The following HORMAD1 variants were observed in gnomAD, a reference collection of about 807,000 sequenced individuals.
HORMAD1 encodes the protein HORMA domain containing 1, also known as HORMA domain-containing protein 1.
Under a neutral mutation model 58.2 loss-of-function variants are expected in HORMAD1, and 33 were observed. The observed-to-expected ratio is 0.57, with a 90% confidence interval of 0.43 to 0.76. HORMAD1 has a LOEUF of 0.76. Among genes scored for constraint, HORMAD1 ranks in the 30% least tolerant of loss-of-function variants. HORMAD1 has a pLI of 0.00. For missense variants in HORMAD1, 363 were observed against 462.0 expected (o/e 0.79, Z 1.96); for synonymous variants, 137 against 144.6 (o/e 0.95, Z 0.38).
chr1:150,698,497 T>G lies in HORMAD1; in HGVS notation c.*157A>C. Reference sequence around the variant, plus strand: ...AGTTCTATTGGATTTATCTCAAGATTAAGGACCACAATATGACAGTCAGCC... The same window carrying G: ...AGTTCTATTGGATTTATCTCAAGATGAAGGACCACAATATGACAGTCAGCC... On this transcript the variant is annotated 3_prime_UTR_variant, in exon 15 of 15. Coordinates refer to ENST00000361824, the MANE Select transcript of HORMAD1 (RefSeq NM_032132.5). 4.7e-6 allele frequency: 2 copies of G among 422,352 alleles called. No homozygotes were observed. The highest frequency in any genetic ancestry group is 8.6e-6 in the Non-Finnish European group (2 of 232,746). 26.2% of individuals were successfully genotyped at this position (422,352 alleles called of 1,614,324 possible).
At chr1:150,717,346 T>C in intron 2 of HORMAD1, 64 bp from the exon 3 acceptor site, 1 of 1,050,400 alleles carries the variant, frequency 9.5e-7, no homozygotes, top group Non-Finnish European at 1.3e-6. Flanking sequence ...TTCTCTTGAC[T>C]TAACATATAT....
In HORMAD1 at chr1:150,703,379, G is replaced by C; in HGVS notation, c.963C>G (p.Val321=). The change falls in exon 13 of 15, where the codon GTC becomes GTG. Residue 321 remains valine (V), a synonymous_variant. Coordinates refer to ENST00000361824, the MANE Select transcript of HORMAD1 (RefSeq NM_032132.5). ...SISHSQVEQL[V]NKTSELDMSE... Reference sequence around the variant, plus strand: ...ACATATCAAGTTCAGATGTTTTATTGACTAACTGCTCAACCTAAAAAAGAA... The same window carrying C: ...ACATATCAAGTTCAGATGTTTTATTCACTAACTGCTCAACCTAAAAAAGAA... 5 of 1,558,036 alleles carry C rather than the reference G, an allele frequency of 3.2e-6. No individual in the cohort carries two copies. Among genetic ancestry groups the C allele is most frequent in the Non-Finnish European group, 4.4e-6 (5 of 1,140,092 alleles).
Position 150,714,701 on chromosome 1 carries a change from A to G in HORMAD1, c.179-23T>C, listed in dbSNP as rs770626073. ...GATCTAAACACAAAAATGATGAAAT[A>G]TAGAGTTACTTAAGAAAAGTAAACA... On this transcript the variant is annotated intron_variant, in intron 3 of 14. Coordinates refer to ENST00000361824, the MANE Select transcript of HORMAD1 (RefSeq NM_032132.5). 1.9e-5 allele frequency: 24 copies of G among 1,249,866 alleles called. No homozygotes were observed. The South Asian group carries it at 3.3e-4, about 17-fold the overall frequency. The allele number at this position is 1,249,866 out of a possible 1,614,324, so 77.4% of individuals were successfully genotyped here. A position where few individuals can be genotyped will look rare whatever the true frequency, so the allele number is the denominator to read the frequency against.
intron 7 of HORMAD1, among the ~76,000 whole-genome samples, chr1:150,709,488 A>G (rs1428062847): frequency 6.6e-6 from 1 of 152,236 alleles, no homozygotes; most frequent in African/African-American, 2.4e-5. Context: ...TAGTCTCAAT[A>G]AACCAGGGGC....
rs111775127 is a variant in HORMAD1 at position 150,711,695 on chromosome 1, A to T, written c.301-124T>A. 1,571 of 955,652 alleles carry T rather than the reference A, an allele frequency of 1.6e-3. 17 individuals are homozygous for T. The African/African-American group carries it at 0.023, about 14-fold the overall frequency. 59.2% of individuals were successfully genotyped at this position (955,652 alleles called of 1,614,324 possible). On this transcript the variant is annotated intron_variant, in intron 6 of 14. Coordinates refer to ENST00000361824, the MANE Select transcript of HORMAD1 (RefSeq NM_032132.5). ...ACAAATAAAAATGACCACCCAAAATATTACTTTTTCATTCCATTGAATAGA... is the reference window on the plus strand; with the variant it reads ...ACAAATAAAAATGACCACCCAAAATTTTACTTTTTCATTCCATTGAATAGA...
At chr1:150,707,676 C>T (rs1444930883) in intron 9 of HORMAD1, among the ~76,000 whole-genome samples, 1 of 152,204 alleles carries the variant, frequency 6.6e-6, no homozygotes, top group African/African-American at 2.4e-5. Flanking sequence ...TGGCTCACGC[C>T]TGTTATTCCA....
At chr1:150,717,096 A>G in intron 3 of HORMAD1, 42 bp downstream of exon 3, 1 of 1,307,672 alleles carries the variant, frequency 7.6e-7, no homozygotes, top group Non-Finnish European at 1.0e-6. Flanking sequence ...AAAAATAAAA[A>G]TACCATTTTA....
chr1:150,717,416 C>CCCAATTGGTTAGTAAT (rs1652113969), intron 2 of HORMAD1, 134 bp from the exon 3 acceptor site: 1 of 459,292 alleles, frequency 2.2e-6, no homozygotes, highest in Non-Finnish European at 3.8e-6. Flanking sequence ...GGTTAGTAAT[C>CCCAATTGGTTAGTAAT]CCCCAAAAGT....
chr1:150,712,603 C>T (rs587681505), intron 5 of HORMAD1, among the ~76,000 whole-genome samples: 26 of 152,294 alleles, frequency 1.7e-4, no homozygotes, highest in African/African-American at 6.3e-4. Context: ...GGCTGGAGTA[C>T]AGTGGCATGA....
chr1:150,717,389 G>T, intron 2 of HORMAD1, 107 bp from the exon 3 acceptor site: 1 of 591,214 alleles, frequency 1.7e-6, no homozygotes, highest in Non-Finnish European at 2.7e-6. Flanking sequence ...CTCACCCCAA[G>T]AATTCCTCCC....
chr1:150,698,596 G>A lies in HORMAD1; in HGVS notation c.*58C>T. The A allele has an allele frequency of 1.2e-6, 1 of 864,500 alleles. No individual in the cohort carries two copies. The highest frequency in any genetic ancestry group is 1.7e-5 in the African/African-American group (1 of 58,674). The allele number at this position is 864,500 out of a possible 1,614,324, so 53.6% of individuals were successfully genotyped here. A position where few individuals can be genotyped will look rare whatever the true frequency, so the allele number is the denominator to read the frequency against. On this transcript the variant is annotated 3_prime_UTR_variant, in exon 15 of 15. Transcript: ENST00000361824. ...TCAGAGTTAGGGAAATATAATATAG[G>A]GTCCTTCAGTTTAAATGGTGAGAAG...
At chr1:150,710,352 T>G (rs1053212520) in intron 7 of HORMAD1, among the ~76,000 whole-genome samples, 5 of 152,208 alleles carry the variant, frequency 3.3e-5, no homozygotes, top group Non-Finnish European at 5.9e-5. Context: ...AGTTTAAGTA[T>G]TAGTTTCCCC....
At chr1:150,708,827 T>C in intron 8 of HORMAD1, 67 bp downstream of exon 8, 1 of 827,016 alleles carries the variant, frequency 1.2e-6, no homozygotes, top group Non-Finnish European at 2.1e-6. Flanking sequence ...TCCTGAGGTT[T>C]AGCTATATAG....
chr1:150,704,705 C>T lies in HORMAD1; in HGVS notation c.805-362G>A, dbSNP rs587593673. Among the ~76,000 whole-genome samples, 7 of 152,196 alleles carry T rather than the reference C, an allele frequency of 4.6e-5. No homozygotes were observed. The East Asian group carries it at 1.4e-3, about 29-fold the overall frequency. ...TAGCCGTGATCATCCCACTGCGCTC[C>T]AGCCTGGGAGACAGGACGAGACCCT... On this transcript the variant is annotated intron_variant, in intron 10 of 14. Coordinates refer to ENST00000361824, the MANE Select transcript of HORMAD1 (RefSeq NM_032132.5).
At chr1:150,700,559 A>G (rs1651506735) in intron 13 of HORMAD1, among the ~76,000 whole-genome samples, 1 of 152,188 alleles carries the variant, frequency 6.6e-6, no homozygotes, top group Admixed American at 6.5e-5. Context: ...GAGTTGTACA[A>G]CCATCACTAC....
At chr1:150,720,354 C>T (rs955424028) in intron 1 of HORMAD1, among the ~76,000 whole-genome samples, 1 of 152,160 alleles carries the variant, frequency 6.6e-6, no homozygotes, top group Non-Finnish European at 1.5e-5. Flanking sequence ...AAGCACCGTG[C>T]CCGGCCGCTA....
At chr1:150,717,840 G>T (rs1390641443) in intron 2 of HORMAD1, among the ~76,000 whole-genome samples, 1 of 152,114 alleles carries the variant, frequency 6.6e-6, no homozygotes, top group Non-Finnish European at 1.5e-5. Flanking sequence ...CCCAGCACTT[G>T]GGAGGCTGAG....
chr1:150,720,159 C>G (rs928349732), intron 1 of HORMAD1, among the ~76,000 whole-genome samples: 2 of 152,112 alleles, frequency 1.3e-5, no homozygotes, highest in African/African-American at 2.4e-5. Flanking sequence ...ACCGCAACCT[C>G]CCCCTCTGGG....
chr1:150,700,770 C>T lies in HORMAD1; in HGVS notation c.1033-587G>A, dbSNP rs587634798. Among the ~76,000 whole-genome samples the T allele has an allele frequency of 7.9e-5, 12 of 152,258 alleles. No individual in the cohort carries two copies. In the South Asian group the frequency reaches 2.1e-3, roughly 26 times the overall value. ...TAATTAGCATGTTTTCAAGGTTCAT[C>T]TAAGTTGTAGCATGTATTGGCACTT... is the stretch of plus-strand genomic sequence containing the variant. On this transcript the variant is annotated intron_variant, in intron 13 of 14. Transcript: ENST00000361824.
Sources: gnomAD v4.1 joint callset for allele counts (sites outside exome capture counted in the v4.1 genomes callset) on GRCh38, gnomAD v4.1.1 for gene constraint, MANE v1.5 for transcripts, NCBI Gene and HGNC (gene_info 2026-07-23, HGNC 2026-07-21) for gene names.